Variants in EIF2B3 observed in about 807,000 individuals in gnomAD.
EIF2B3 encodes the protein translation initiation factor eIF2B subunit gamma.
EIF2B3 carries 20 observed loss-of-function variants against 54.1 expected under a neutral mutation model. The observed-to-expected ratio is 0.37, with a 90% CI of 0.26 to 0.54. EIF2B3 has a LOEUF of 0.54. Among genes scored for constraint, EIF2B3 ranks in the 20% least tolerant of loss-of-function variants. EIF2B3 has a pLI of 0.86. For synonymous variants in EIF2B3, 153 were observed against 188.1 expected (o/e 0.81, Z 1.52); for missense variants, 448 against 547.8 (o/e 0.82, Z 1.82).
chr1:44,972,041 A>C (rs571509951), intron 3 of EIF2B3, among the ~76,000 whole-genome samples: 6 of 152,066 alleles, frequency 3.9e-5, no homozygotes, highest in East Asian at 3.9e-4. Context: ...CAAAAACAAA[A>C]AAACAAACAA....
chr1:44,933,606 T>G (rs1643916753), intron 4 of EIF2B3, among the ~76,000 whole-genome samples: 1 of 152,142 alleles, frequency 6.6e-6, no homozygotes, highest in Non-Finnish European at 1.5e-5. Context: ...AATTAGATAC[T>G]CTTTAAATTT....
chr1:44,909,974 G>T (rs2148921609), intron 5 of EIF2B3, among the ~76,000 whole-genome samples: 1 of 152,300 alleles, frequency 6.6e-6, no homozygotes. Context: ...CCCAGATATA[G>T]ATGTCTAAAC....
chr1:44,860,040 C>G (rs1654559172), intron 10 of EIF2B3, among the ~76,000 whole-genome samples: 1 of 151,796 alleles, frequency 6.6e-6, no homozygotes, highest in Admixed American at 6.6e-5. Flanking sequence ...CTTGCTCTGT[C>G]CCCCAGACTG....
chr1:44,942,096 A>G (rs1644030373), intron 3 of EIF2B3, among the ~76,000 whole-genome samples: 1 of 152,066 alleles, frequency 6.6e-6, no homozygotes, highest in South Asian at 2.1e-4. Context: ...CAGGATGAAC[A>G]GAATACAATG....
chr1:44,976,929 T>C (rs1237070504), intron 3 of EIF2B3, among the ~76,000 whole-genome samples: 1 of 152,186 alleles, frequency 6.6e-6, no homozygotes, highest in African/African-American at 2.4e-5. Flanking sequence ...TCAGGGGTGA[T>C]GGAATTGTTC....
At chr1:44,913,502 A>G (rs1251378173) in intron 5 of EIF2B3, among the ~76,000 whole-genome samples, 1 of 87,956 alleles carries the variant, frequency 1.1e-5, no homozygotes, top group African/African-American at 6.3e-5. Flanking sequence ...GTTTTAATGG[A>G]AAAAAAAAAA....
At chr1:44,874,083 G>A (rs1337316272) in intron 10 of EIF2B3, among the ~76,000 whole-genome samples, 1 of 150,108 alleles carries the variant, frequency 6.7e-6, no homozygotes, top group Non-Finnish European at 1.5e-5. Flanking sequence ...TGTCAAGTTG[G>A]TGCTCAAAAG....
chr1:44,880,146 A>G, intron 7 of EIF2B3, 138 bp from the exon 8 acceptor site: 10 of 889,706 alleles, frequency 1.1e-5, no homozygotes, highest in Non-Finnish European at 1.8e-5. Context: ...AAACTCCCAG[A>G]CTCAAGGGAT....
At chr1:44,860,376 C>G (rs1654571263) in intron 10 of EIF2B3, among the ~76,000 whole-genome samples, 1 of 152,122 alleles carries the variant, frequency 6.6e-6, no homozygotes, top group African/African-American at 2.4e-5. Context: ...CAAATAATGC[C>G]ACCCTCAGTG....
intron 8 of EIF2B3, among the ~76,000 whole-genome samples, chr1:44,877,468 T>C (rs1156687350): frequency 6.6e-6 from 1 of 152,126 alleles, no homozygotes; most frequent in Non-Finnish European, 1.5e-5. Context: ...TACCACCTCT[T>C]GGGAAAGGAG....
At chr1:44,913,669 T>TA (rs202240749) in intron 5 of EIF2B3, among the ~76,000 whole-genome samples, 22 of 144,494 alleles carry the variant, frequency 1.5e-4, no homozygotes, top group East Asian at 6.2e-4. Flanking sequence ...CATGCCCAGG[T>TA]ATTTCTTCAA....
chr1:44,854,455 G>A (rs986250518), intron 11 of EIF2B3, among the ~76,000 whole-genome samples: 3 of 151,908 alleles, frequency 2.0e-5, no homozygotes, highest in Non-Finnish European at 2.9e-5. Flanking sequence ...GCTTGTTTTC[G>A]TGTTGGTGCT....
At position 44,959,125 on chromosome 1, in the gene EIF2B3, C is replaced by T. The variant is rs994247377; in HGVS notation, c.295-17460G>A. ...GCTACGTAACATCCCTATTGCTAACCGTGAAGGCACCCTTGAACCATCTAC... is the reference window on the plus strand; with the variant it reads ...GCTACGTAACATCCCTATTGCTAACTGTGAAGGCACCCTTGAACCATCTAC... On this transcript the variant is annotated intron_variant, in intron 3 of 11. Transcript: ENST00000360403. The T allele has an allele frequency of 6.2e-5, 47 of 759,832 alleles. 2 individuals carry two copies. In the South Asian group the frequency reaches 6.5e-4, roughly 11 times the overall value. The allele number at this position is 759,832 out of a possible 1,614,324, so 47.1% of individuals were successfully genotyped here.
At chr1:44,889,114 C>T (rs927035244) in intron 6 of EIF2B3, among the ~76,000 whole-genome samples, 14 of 152,204 alleles carry the variant, frequency 9.2e-5, no homozygotes, top group African/African-American at 3.4e-4. Context: ...TTATCTTTCC[C>T]TCCATGAACC....
intron 5 of EIF2B3, among the ~76,000 whole-genome samples, chr1:44,918,922 A>G (rs542936419): frequency 1.3e-5 from 2 of 152,332 alleles, no homozygotes; most frequent in African/African-American, 4.8e-5. Flanking sequence ...GCTATTTACT[A>G]TAGAAAAGGA....
chr1:44,961,779 T>G (rs1644286917), intron 3 of EIF2B3, among the ~76,000 whole-genome samples: 1 of 152,202 alleles, frequency 6.6e-6, no homozygotes, highest in Non-Finnish European at 1.5e-5. Context: ...TGAAAGGGAC[T>G]CATAACTTCC....
At chr1:44,899,624 A>T (rs1382379134) in intron 5 of EIF2B3, among the ~76,000 whole-genome samples, 1 of 152,222 alleles carries the variant, frequency 6.6e-6, no homozygotes, top group East Asian at 1.9e-4. Flanking sequence ...CCACAATGAG[A>T]TACCACCTCA....
chr1:44,912,098 G>C (rs1643528739), intron 5 of EIF2B3, among the ~76,000 whole-genome samples: 1 of 151,586 alleles, frequency 6.6e-6, no homozygotes, highest in Non-Finnish European at 1.5e-5. Flanking sequence ...TCTTAATCCA[G>C]TCTATCATTG....
At chr1:44,926,476 C>T (rs1426416818) in intron 5 of EIF2B3, 152 bp downstream of exon 5, 3 of 648,166 alleles carry the variant, frequency 4.6e-6, no homozygotes, top group Non-Finnish European at 8.1e-6. Context: ...GAAGAAAAGC[C>T]TTCATCCTGT....
Sources: gnomAD v4.1 joint callset for allele counts (sites outside exome capture counted in the v4.1 genomes callset) on GRCh38, gnomAD v4.1.1 for gene constraint, MANE v1.5 for transcripts, NCBI Gene and HGNC (gene_info 2026-07-23, HGNC 2026-07-21) for gene names.